The following COL20A1 variants were observed in gnomAD, a reference collection of about 807,000 sequenced individuals.
COL20A1 encodes collagen alpha-1(XX) chain.
A neutral mutation model predicts 152.9 loss-of-function variants in COL20A1; 164 were observed. The ratio of observed to expected loss-of-function variants is 1.07; its 90% CI spans 0.94 to 1.22. The LOEUF (loss-of-function observed/expected upper bound fraction) is 1.22, where lower values mean the gene tolerates loss of function less well. Among genes scored for constraint, COL20A1 ranks in the 50% most tolerant of loss-of-function variants. COL20A1 has a pLI of 0.00. For synonymous variants in COL20A1, 864 were observed against 756.0 expected (o/e 1.14, Z -2.34); for missense variants, 1,873 against 1,744.8 (o/e 1.07, Z -1.31).
At chr20:63,322,805 G>C (rs2068185262) in intron 27 of COL20A1, among the ~76,000 whole-genome samples, 1 of 152,234 alleles carries the variant, frequency 6.6e-6, no homozygotes, top group African/African-American at 2.4e-5. Context: ...CTCTCCCCCG[G>C]CAGCCTTCCA....
rs1376271901 is a variant in COL20A1 at position 63,328,154 on chromosome 20, G to C, written c.3613+27G>C. ...TGAGTCTGCCATTCAGAGTGAGTGA[G>C]GCCAGCAGCCCTGCACCTGTGCCTA... On this transcript the variant is annotated intron_variant, in intron 33 of 35. Transcript: ENST00000358894. 4 of 1,612,050 alleles carry C rather than the reference G, an allele frequency of 2.5e-6. No individual in the cohort carries two copies. In the Admixed American group the frequency reaches 6.7e-5, roughly 27 times the overall value.
In COL20A1 at chr20:63,309,762, G is replaced by A. The variant is rs377006506; in HGVS notation, c.1110G>A (p.Ala370=). The change falls in exon 10 of 36, where the codon GCG becomes GCA. Residue 370 remains alanine (A), a synonymous_variant. Transcript: ENST00000358894. ...QGGSPRQGPA[A]APALDTLPAP... ...CCACTCCCGCTACTCCAGCAGCAGC[G>A]GCTCCAGCCCTGGACACCCTCCCTG... is the stretch of plus-strand genomic sequence containing the variant. 389 of 1,574,574 alleles carry A rather than the reference G, an allele frequency of 2.5e-4. 2 individuals carry two copies. In the African/African-American group the frequency reaches 4.7e-3, roughly 19 times the overall value.
chr20:63,310,706 A>G (rs2067993679), intron 11 of COL20A1, among the ~76,000 whole-genome samples, 196 bp downstream of exon 11: 1 of 152,030 alleles, frequency 6.6e-6, no homozygotes, highest in Admixed American at 6.5e-5. Context: ...TCTCTTCTGA[A>G]CACCAGCTAT....
At chr20:63,326,469 G>A (rs1046100275) in intron 30 of COL20A1, among the ~76,000 whole-genome samples, 1 of 152,204 alleles carries the variant, frequency 6.6e-6, no homozygotes, top group Non-Finnish European at 1.5e-5. Context: ...CACTTTAGGG[G>A]AAGCCCAACT....
intron 27 of COL20A1, among the ~76,000 whole-genome samples, chr20:63,323,087 G>T (rs2068190396): frequency 6.6e-6 from 1 of 152,258 alleles, no homozygotes; most frequent in African/African-American, 2.4e-5. Flanking sequence ...TGCATTCCTG[G>T]CTGCTTTGGG....
chr20:63,302,193 T>C (rs970124248), intron 3 of COL20A1, among the ~76,000 whole-genome samples: 9 of 152,330 alleles, frequency 5.9e-5, no homozygotes, highest in Admixed American at 1.3e-4. Flanking sequence ...TATAAATATT[T>C]CAATATGTTT....
rs2067920357 is a variant in COL20A1 at position 63,305,965 on chromosome 20, CGGGG to C, written c.423_426del (p.Gly142AlafsTer76). On this transcript the variant is annotated frameshift_variant, in exon 5 of 36. Coordinates refer to ENST00000358894, the MANE Select transcript of COL20A1 (RefSeq NM_020882.4). LOFTEE classifies it high-confidence loss of function. The surrounding 1 kb of genome is among the most constrained non-coding windows in gnomAD (Gnocchi z 4.9). ...GCCCCGGAGCCCACCCCCTCCCACA[CGGGG>C]AGCCCAGACCCTGAGCAGGCTTCTG... is the stretch of plus-strand genomic sequence containing the variant. The C allele has an allele frequency of 6.2e-7, 1 of 1,612,506 alleles. No individual in the cohort carries two copies. Among genetic ancestry groups the C allele is most frequent in the Non-Finnish European group, 8.5e-7 (1 of 1,179,682 alleles).
chr20:63,293,894 C>T (rs1176268611), intron 1 of COL20A1, among the ~76,000 whole-genome samples: 1 of 102,642 alleles, frequency 9.7e-6, no homozygotes, highest in African/African-American at 3.9e-5. Flanking sequence ...TTGGGGGGGT[C>T]TCTGTTCGGC....
At chr20:63,314,997 C>T (rs1284514798) in intron 19 of COL20A1, among the ~76,000 whole-genome samples, 4 of 151,322 alleles carry the variant, frequency 2.6e-5, no homozygotes. Flanking sequence ...GCCCGCACAC[C>T]AGGCATCTCC....
In COL20A1 at chr20:63,333,634, G is replaced by A. The variant is rs751628620; in HGVS notation, c.*2918G>A. ...GCTCAGTGATGAGCTCAGAGGGAGGGGTGGGCACAGCGCCCAGGAAGGCGG... is the reference window on the plus strand; with the variant it reads ...GCTCAGTGATGAGCTCAGAGGGAGGAGTGGGCACAGCGCCCAGGAAGGCGG... On this transcript the variant is annotated 3_prime_UTR_variant, in exon 36 of 36. Coordinates refer to ENST00000358894, the MANE Select transcript of COL20A1 (RefSeq NM_020882.4). The A allele has an allele frequency of 4.6e-5, 7 of 152,278 alleles. No individual in the cohort carries two copies. The highest frequency in any genetic ancestry group is 3.9e-4 in the Admixed American group (6 of 15,282). 9.4% of individuals were successfully genotyped at this position (152,278 alleles called of 1,614,324 possible).
intron 15 of COL20A1, 105 bp downstream of exon 15, chr20:63,312,654 T>C: frequency 1.4e-6 from 2 of 1,466,132 alleles, no homozygotes; most frequent in Non-Finnish European, 1.8e-6. Flanking sequence ...CCTGGGTCAG[T>C]GCTGAGCCAG....
At chr20:63,329,455 A>G in intron 34 of COL20A1, 130 bp from the exon 35 acceptor site, 1 of 692,224 alleles carries the variant, frequency 1.4e-6, no homozygotes, top group Admixed American at 2.3e-5. Context: ...CCTAGATCTC[A>G]GACTCCCATC....
At chr20:63,296,785 C>T (rs2067799351) in intron 2 of COL20A1, among the ~76,000 whole-genome samples, 1 of 152,192 alleles carries the variant, frequency 6.6e-6, no homozygotes, top group African/African-American at 2.4e-5. Context: ...CATCCGGAGA[C>T]CCGGCCCAGC....
rs1305277269 is a variant in COL20A1, at chr20:63,306,320, C to T, written c.496+281C>T. Among the ~76,000 whole-genome samples, 2 of 142,320 alleles carry T rather than the reference C, an allele frequency of 1.4e-5. No homozygotes were observed. Among genetic ancestry groups the T allele is most frequent in the Non-Finnish European group, 1.5e-5 (1 of 65,058 alleles). The allele number at this position is 142,320 out of a possible 152,430, so 93.4% of individuals were successfully genotyped here. The stretch of plus-strand genomic sequence containing the variant: ...CTGACCACGAGGCCGGGAAGTTCTT[C>T]CTCGTGTCTGACCACACGGTCTCTG... On this transcript the variant is annotated intron_variant, in intron 5 of 35. Coordinates refer to ENST00000358894, the MANE Select transcript of COL20A1 (RefSeq NM_020882.4). This position sits in a 1 kb window ranked among gnomAD's most constrained non-coding sequence, Gnocchi z 6.9.
intron 3 of COL20A1, among the ~76,000 whole-genome samples, chr20:63,301,208 G>C (rs926764432): frequency 3.3e-5 from 5 of 152,136 alleles, no homozygotes; most frequent in Non-Finnish European, 7.3e-5. Context: ...CCAGCTACTC[G>C]GGAGGCTGAG....
chr20:63,296,496 C>G (rs540644853), intron 2 of COL20A1, among the ~76,000 whole-genome samples: 1 of 152,350 alleles, frequency 6.6e-6, no homozygotes, highest in South Asian at 2.1e-4. Flanking sequence ...CTGGGGCAGC[C>G]CTTCCCAGGA....
chr20:63,308,278 G>A (rs532401370), intron 7 of COL20A1, among the ~76,000 whole-genome samples, 188 bp downstream of exon 7: 11 of 152,300 alleles, frequency 7.2e-5, no homozygotes, highest in South Asian at 4.1e-4. Flanking sequence ...TGTGTCCAGC[G>A]CGTGGCTCCT....
Position 63,308,724 on chromosome 20 carries a change from C to A in COL20A1, c.940+18C>A. 2 of 1,565,932 alleles carry A rather than the reference C, an allele frequency of 1.3e-6. No homozygotes were observed. The highest frequency in any genetic ancestry group is 1.7e-6 in the Non-Finnish European group (2 of 1,153,060). On this transcript the variant is annotated intron_variant, in intron 8 of 35. Transcript: ENST00000358894. ...CGCTGTGGGTGAGCACCATGCGGCT[C>A]CCCCGGCCCTGGAGTCTCACCGCCG...
At chr20:63,309,109 G>C (rs1437754502) in intron 8 of COL20A1, among the ~76,000 whole-genome samples, 1 of 152,186 alleles carries the variant, frequency 6.6e-6, no homozygotes, top group South Asian at 2.1e-4. Context: ...GTCCTGTGGG[G>C]AGGAAACCCC....
Sources: gnomAD v4.1 joint callset for allele counts (sites outside exome capture counted in the v4.1 genomes callset) on GRCh38, gnomAD v4.1.1 for gene constraint, Gnocchi (gnomAD v3.1) non-coding constraint, MANE v1.5 for transcripts, NCBI Gene and HGNC (gene_info 2026-07-23, HGNC 2026-07-21) for gene names.